The following SORCS3 variants were observed in gnomAD, a reference collection of about 807,000 sequenced individuals.
The protein encoded by SORCS3 is sortilin related VPS10 domain containing receptor 3, also known as VPS10 domain-containing receptor SorCS3.
In SORCS3, 57 loss-of-function variants were observed where a neutral mutation model predicts 146.3. That is an observed-to-expected ratio of 0.39 (90% CI 0.31 to 0.49). The LOEUF (loss-of-function observed/expected upper bound fraction) is 0.49, where lower values mean the gene tolerates loss of function less well. Among genes scored for constraint, SORCS3 ranks in the 20% least tolerant of loss-of-function variants. SORCS3 has a pLI of 0.92. For synonymous variants in SORCS3, 653 were observed against 618.5 expected (o/e 1.06, Z -0.83); for missense variants, 1,341 against 1,575.5 (o/e 0.85, Z 2.52).
At chr10:104,872,516 G>C (rs1369138831) in intron 2 of SORCS3, among the ~76,000 whole-genome samples, 1 of 151,848 alleles carries the variant, frequency 6.6e-6, no homozygotes, top group Non-Finnish European at 1.5e-5. Flanking sequence ...CCATCCTCCA[G>C]GGCTTTTTAT....
At chr10:104,871,731 G>T (rs978171303) in intron 2 of SORCS3, among the ~76,000 whole-genome samples, 2 of 152,148 alleles carry the variant, frequency 1.3e-5, no homozygotes, top group South Asian at 4.1e-4. Flanking sequence ...TGTGAATTGA[G>T]CCTGAGGTAC....
intron 1 of SORCS3, among the ~76,000 whole-genome samples, chr10:104,775,506 T>A (rs1315823915): frequency 1.3e-5 from 2 of 152,120 alleles, no homozygotes; most frequent in Non-Finnish European, 2.9e-5. Context: ...AAGAAAATGA[T>A]GATTTGGTGC....
chr10:105,151,980 A>T (rs2056170836), intron 9 of SORCS3, among the ~76,000 whole-genome samples: 1 of 152,184 alleles, frequency 6.6e-6, no homozygotes, highest in Non-Finnish European at 1.5e-5. Context: ...GTGTGTACTT[A>T]CCATTATTCT....
At chr10:105,055,494 G>A (rs1024825129) in intron 5 of SORCS3, among the ~76,000 whole-genome samples, 4 of 152,260 alleles carry the variant, frequency 2.6e-5, no homozygotes, top group African/African-American at 9.6e-5. Context: ...CAGTCAGAAA[G>A]GATACCAGAT....
chr10:104,722,608 T>G (rs542421855), intron 1 of SORCS3, among the ~76,000 whole-genome samples: 46 of 152,364 alleles, frequency 3.0e-4, no homozygotes, highest in South Asian at 8.3e-4. Context: ...CAACTGGTCC[T>G]GGACTTTTTT....
chr10:105,255,114 G>A (rs996680573), intron 23 of SORCS3, among the ~76,000 whole-genome samples: 1 of 151,180 alleles, frequency 6.6e-6, no homozygotes, highest in Non-Finnish European at 1.5e-5. Flanking sequence ...CGTGAACCCG[G>A]GGGGGCGGAG....
intron 5 of SORCS3, among the ~76,000 whole-genome samples, chr10:105,043,707 T>G (rs1228668784): frequency 2.0e-5 from 3 of 152,098 alleles, no homozygotes; most frequent in Non-Finnish European, 4.4e-5. Flanking sequence ...AGTCACTGAT[T>G]CCCAAACTTA....
In SORCS3 at chr10:104,794,302, A is replaced by G. The variant is rs558371683; in HGVS notation, c.628-48490A>G. Among the ~76,000 whole-genome samples, 9 of 152,312 alleles carry G rather than the reference A, an allele frequency of 5.9e-5. No homozygotes were observed. The East Asian group carries it at 1.7e-3, about 29-fold the overall frequency. ...ACTCTTCAGCTCTCTGGAATGAAGA[A>G]TGAGATACTCCCCAGTGAGCCTGTT... On this transcript the variant is annotated intron_variant, in intron 1 of 26. Coordinates refer to ENST00000369701, the MANE Select transcript of SORCS3 (RefSeq NM_014978.3).
chr10:105,169,142 A>G (rs2056339116), intron 13 of SORCS3, among the ~76,000 whole-genome samples: 2 of 152,146 alleles, frequency 1.3e-5, no homozygotes, highest in Admixed American at 1.3e-4. Context: ...GGCATCAAAA[A>G]GCAAACATGT....
At chr10:105,154,097 C>G (rs1013572038) in intron 9 of SORCS3, among the ~76,000 whole-genome samples, 1 of 118,620 alleles carries the variant, frequency 8.4e-6, no homozygotes, top group African/African-American at 3.0e-5. Flanking sequence ...AAGAAACTTC[C>G]CATCCAGCCT....
intron 1 of SORCS3, among the ~76,000 whole-genome samples, chr10:104,738,454 C>T (rs1486440022): frequency 6.6e-6 from 1 of 152,116 alleles, no homozygotes; most frequent in Non-Finnish European, 1.5e-5. Flanking sequence ...CTTAGAAATA[C>T]CTGGTAATAT....
chr10:104,808,641 G>T (rs1190049241), intron 1 of SORCS3, among the ~76,000 whole-genome samples: 1 of 152,198 alleles, frequency 6.6e-6, no homozygotes, highest in African/African-American at 2.4e-5. Context: ...TAAATGAGAT[G>T]GTGGAAACCA....
chr10:104,700,387 T>C (rs1042254469), intron 1 of SORCS3, among the ~76,000 whole-genome samples: 16 of 152,008 alleles, frequency 1.1e-4, no homozygotes, highest in Admixed American at 1.1e-3. Context: ...GTTAGTTTCA[T>C]GTTCCAGCAG....
chr10:104,983,640 T>G (rs886975663), intron 4 of SORCS3, among the ~76,000 whole-genome samples: 2 of 152,160 alleles, frequency 1.3e-5, no homozygotes, highest in African/African-American at 2.4e-5. Flanking sequence ...CTTGTCTTTA[T>G]GTACGTGCTG....
At chr10:104,789,881 G>A (rs1308683134) in intron 1 of SORCS3, among the ~76,000 whole-genome samples, 1 of 152,184 alleles carries the variant, frequency 6.6e-6, no homozygotes, top group African/African-American at 2.4e-5. Context: ...TTTCTGGCTG[G>A]CTGGGATGTT....
intron 1 of SORCS3, among the ~76,000 whole-genome samples, chr10:104,796,913 C>T (rs1360661690): frequency 6.6e-6 from 1 of 152,108 alleles, no homozygotes; most frequent in Non-Finnish European, 1.5e-5. Context: ...AGTCTTTGTC[C>T]CTGGATAGGA....
At chr10:105,251,544 G>A (rs1377982553) in intron 22 of SORCS3, among the ~76,000 whole-genome samples, 4 of 152,118 alleles carry the variant, frequency 2.6e-5, no homozygotes, top group African/African-American at 7.2e-5. Context: ...TGTTTGGGGT[G>A]GGAGGCTAAG....
At chr10:105,081,735 T>C (rs947658233) in intron 5 of SORCS3, among the ~76,000 whole-genome samples, 6 of 152,202 alleles carry the variant, frequency 3.9e-5, no homozygotes, top group Admixed American at 3.9e-4. Flanking sequence ...GCTTCCTATT[T>C]CCTTTTGTTC....
At chr10:104,697,302 A>T (rs1043495373) in intron 1 of SORCS3, among the ~76,000 whole-genome samples, 4 of 152,192 alleles carry the variant, frequency 2.6e-5, no homozygotes, top group Middle Eastern at 3.2e-3. Context: ...TTGGATGCAC[A>T]GTAGGTGTGG....
Sources: allele counts gnomAD v4.1 joint callset (sites outside exome capture counted in the v4.1 genomes callset), GRCh38; gene constraint gnomAD v4.1.1; transcripts MANE v1.5; gene names NCBI Gene and HGNC (gene_info 2026-07-23, HGNC 2026-07-21).